The following NDST4 variants were observed in gnomAD, a reference collection of about 807,000 sequenced individuals.
NDST4 encodes N-deacetylase and N-sulfotransferase 4.
Under a neutral mutation model 100.8 loss-of-function variants are expected in NDST4, and 63 were observed. That is an observed-to-expected ratio of 0.62 (90% CI 0.51 to 0.77). The LOEUF (loss-of-function observed/expected upper bound fraction) is 0.77. Ranked by LOEUF, NDST4 falls within the 30% of genes least tolerant of loss-of-function variation. NDST4 has a pLI of 0.00. For synonymous variants in NDST4, 377 were observed against 361.8 expected (o/e 1.04, Z -0.48); for missense variants, 943 against 1,018.4 (o/e 0.93, Z 1.01).
chr4:115,106,923 G>GCTGATAGCTTT (rs1331588391), intron 1 of NDST4, among the ~76,000 whole-genome samples: 2 of 152,104 alleles, frequency 1.3e-5, no homozygotes, highest in East Asian at 3.9e-4. Context: ...GTCAGGCTGA[G>GCTGATAGCTTT]GTAGGAGGAT....
chr4:114,859,523 C>T (rs1422974537), intron 7 of NDST4, among the ~76,000 whole-genome samples: 2 of 152,142 alleles, frequency 1.3e-5, no homozygotes, highest in Middle Eastern at 3.2e-3. Flanking sequence ...CTCTTTTCTC[C>T]ACTGAATGCA....
chr4:114,894,380 T>G (rs1390011569), intron 6 of NDST4, among the ~76,000 whole-genome samples: 1 of 152,222 alleles, frequency 6.6e-6, no homozygotes, highest in Non-Finnish European at 1.5e-5. Context: ...GAGTATGGAA[T>G]GTGTTTCCAT....
chr4:114,836,684 T>C (rs577862445), intron 11 of NDST4, among the ~76,000 whole-genome samples: 1 of 152,320 alleles, frequency 6.6e-6, no homozygotes, highest in Admixed American at 6.5e-5. Context: ...TAGGGGAAGT[T>C]CTCCTGGATA....
chr4:115,032,658 G>A (rs1259364825), intron 2 of NDST4, among the ~76,000 whole-genome samples: 1 of 152,036 alleles, frequency 6.6e-6, no homozygotes, highest in Non-Finnish European at 1.5e-5. Flanking sequence ...TAATCTTCAT[G>A]AAATTACCTC....
chr4:115,034,187 T>C (rs1320629510), intron 2 of NDST4, among the ~76,000 whole-genome samples: 1 of 152,070 alleles, frequency 6.6e-6, no homozygotes, highest in Non-Finnish European at 1.5e-5. Context: ...CTCAAAAAAA[T>C]ATTCAAACAT....
At chr4:114,892,652 C>T (rs549547622) in intron 6 of NDST4, among the ~76,000 whole-genome samples, 12 of 151,810 alleles carry the variant, frequency 7.9e-5, no homozygotes, top group Non-Finnish European at 1.5e-4. Context: ...ATGGGTATAC[C>T]GGAGATAAGA....
At chr4:115,083,301 G>A (rs1271545792) in intron 1 of NDST4, among the ~76,000 whole-genome samples, 2 of 151,882 alleles carry the variant, frequency 1.3e-5, no homozygotes, top group Non-Finnish European at 2.9e-5. Context: ...AAAGAAAAAA[G>A]AAAACAAATT....
chr4:114,957,205 A>C (rs1319450074), intron 4 of NDST4, among the ~76,000 whole-genome samples: 1 of 152,224 alleles, frequency 6.6e-6, no homozygotes, highest in Non-Finnish European at 1.5e-5. Flanking sequence ...CTATGAAGAA[A>C]TACCCAAGAC....
chr4:114,963,516 G>T (rs1726311897), intron 4 of NDST4, among the ~76,000 whole-genome samples: 2 of 152,162 alleles, frequency 1.3e-5, no homozygotes, highest in Admixed American at 6.5e-5. Context: ...AGTTTGCACA[G>T]ATCTGTGAAT....
At chr4:114,997,581 G>A (rs1727192203) in intron 2 of NDST4, among the ~76,000 whole-genome samples, 1 of 152,010 alleles carries the variant, frequency 6.6e-6, no homozygotes, top group Non-Finnish European at 1.5e-5. Flanking sequence ...AGAAAGCTAT[G>A]TAAATTAATT....
chr4:114,969,665 C>T (rs1369614482), intron 4 of NDST4, among the ~76,000 whole-genome samples: 2 of 152,158 alleles, frequency 1.3e-5, no homozygotes, highest in East Asian at 3.9e-4. Context: ...TTTATGGCTG[C>T]ATAGTGTTCC....
At chr4:115,025,858 T>C (rs1426192388) in intron 2 of NDST4, among the ~76,000 whole-genome samples, 2 of 152,190 alleles carry the variant, frequency 1.3e-5, no homozygotes, top group Non-Finnish European at 2.9e-5. Context: ...ATAAGAATTA[T>C]GTAAATTCTG....
At position 114,991,376 on chromosome 4, in the gene NDST4, T is replaced by C. The variant is rs191381526; in HGVS notation, c.979-14102A>G. ...CCTCTTTTGCATGACGAATGAGTTATGGGGTGAAGAGAACAAATGCCACAT... is the reference window on the plus strand; with the variant it reads ...CCTCTTTTGCATGACGAATGAGTTACGGGGTGAAGAGAACAAATGCCACAT... On this transcript the variant is annotated intron_variant, in intron 2 of 13. Coordinates refer to ENST00000264363, the MANE Select transcript of NDST4 (RefSeq NM_022569.3). 2.7e-3 allele frequency among the ~76,000 whole-genome samples: 409 copies of C among 152,190 alleles called. 1 individual carries two copies. Among genetic ancestry groups the C allele is most frequent in the African/African-American group, 9.5e-3 (395 of 41,544 alleles).
chr4:115,065,468 A>G (rs1471013750), intron 2 of NDST4, among the ~76,000 whole-genome samples: 2 of 152,126 alleles, frequency 1.3e-5, no homozygotes, highest in African/African-American at 2.4e-5. Context: ...TTAGACAACT[A>G]TCTTAGTATC....
chr4:114,881,925 T>C (rs1005424608), intron 6 of NDST4, among the ~76,000 whole-genome samples: 2 of 151,636 alleles, frequency 1.3e-5, no homozygotes, highest in African/African-American at 4.9e-5. Context: ...TCAAAGTGCA[T>C]TAGGAAGCAT....
chr4:114,903,061 C>T (rs530347099), intron 6 of NDST4, among the ~76,000 whole-genome samples: 1 of 152,196 alleles, frequency 6.6e-6, no homozygotes, highest in East Asian at 1.9e-4. Context: ...GAAATTTCCA[C>T]ATCCCTGCCA....
chr4:114,929,892 T>G (rs1725476952), intron 6 of NDST4, among the ~76,000 whole-genome samples: 1 of 152,108 alleles, frequency 6.6e-6, no homozygotes, highest in Non-Finnish European at 1.5e-5. Context: ...TAAGCACCAG[T>G]AACAATCACA....
At chr4:115,045,231 G>A (rs1477082183) in intron 2 of NDST4, among the ~76,000 whole-genome samples, 1 of 152,032 alleles carries the variant, frequency 6.6e-6, no homozygotes, top group Non-Finnish European at 1.5e-5. Context: ...GGCATAAAAT[G>A]ATAGAGAAAA....
Position 114,843,515 on chromosome 4 carries a change from G to A in NDST4, c.2115+2308C>T, listed in dbSNP as rs114636208. Among the ~76,000 whole-genome samples the A allele has an allele frequency of 3.3e-3, 507 of 152,072 alleles. 6 individuals are homozygous for A. Among genetic ancestry groups the A allele is most frequent in the African/African-American group, 0.012 (491 of 41,476 alleles). On this transcript the variant is annotated intron_variant, in intron 10 of 13. Transcript: ENST00000264363. ...CAAAATCACACTTTTGGAGTCTTTCGCAAGTGCTGCCTCTATTTCTTCACC... is the reference window on the plus strand; with the variant it reads ...CAAAATCACACTTTTGGAGTCTTTCACAAGTGCTGCCTCTATTTCTTCACC...
Sources: gnomAD v4.1 joint callset for allele counts (sites outside exome capture counted in the v4.1 genomes callset) on GRCh38, gnomAD v4.1.1 for gene constraint, MANE v1.5 for transcripts, NCBI Gene and HGNC (gene_info 2026-07-23, HGNC 2026-07-21) for gene names.